The following COLEC12 variants were observed in gnomAD, a reference collection of about 807,000 sequenced individuals.
The protein encoded by COLEC12 is collectin subfamily member 12.
COLEC12 carries 33 observed loss-of-function variants against 71.1 expected under a neutral mutation model. That is an observed-to-expected ratio of 0.46 (90% CI 0.35 to 0.62). The LOEUF is 0.62. COLEC12 is among the 20% of genes least tolerant of loss of function. The probability of loss-of-function intolerance (pLI) is 0.00; values close to 1 mark genes in which losing one functional copy is unlikely to be tolerated. For missense variants in COLEC12, 765 were observed against 916.1 expected (o/e 0.84, Z 2.13); for synonymous variants, 350 against 353.0 (o/e 0.99, Z 0.10).
At chr18:436,611 C>T (rs1379704215) in intron 2 of COLEC12, among the ~76,000 whole-genome samples, 2 of 149,546 alleles carry the variant, frequency 1.3e-5, no homozygotes, top group East Asian at 2.0e-4. Context: ...GTAGATATTA[C>T]ACAGATCTCC....
intron 8 of COLEC12, among the ~76,000 whole-genome samples, chr18:328,967 A>G (rs1419370118): frequency 6.6e-6 from 1 of 152,082 alleles, no homozygotes; most frequent in Non-Finnish European, 1.5e-5. Context: ...GATCCTGGGG[A>G]TTTTTATGTT....
rs370072492 is a variant in COLEC12 at position 379,985 on chromosome 18, AT to A, written c.59-22464del. ...TACCCAAAGCTGAGGTAAGAGCTTTATTTTTTTTTTCCAATGATGAAGAAAG... is the reference window on the plus strand; with the variant it reads ...TACCCAAAGCTGAGGTAAGAGCTTTATTTTTTTTTCCAATGATGAAGAAAG... On this transcript the variant is annotated intron_variant, in intron 2 of 9. Coordinates refer to ENST00000400256, the MANE Select transcript of COLEC12 (RefSeq NM_130386.3). Among the ~76,000 whole-genome samples the A allele has an allele frequency of 1.9e-4, 28 of 150,636 alleles. No homozygotes were observed. In the East Asian group the frequency reaches 3.3e-3, roughly 18 times the overall value.
At chr18:450,690 G>T (rs1916744537) in intron 2 of COLEC12, among the ~76,000 whole-genome samples, 1 of 152,222 alleles carries the variant, frequency 6.6e-6, no homozygotes, top group Non-Finnish European at 1.5e-5. Context: ...TTGCTACAAA[G>T]ATATCTGAAA....
At chr18:355,110 G>T (rs1042183887) in intron 3 of COLEC12, among the ~76,000 whole-genome samples, 2 of 151,848 alleles carry the variant, frequency 1.3e-5, no homozygotes, top group Non-Finnish European at 2.9e-5. Flanking sequence ...AATTCATTCA[G>T]TGAACTTTCC....
chr18:427,709 A>T lies in COLEC12; in HGVS notation c.58+52998T>A, dbSNP rs368183883. Among the ~76,000 whole-genome samples, 253 of 152,306 alleles carry T rather than the reference A, an allele frequency of 1.7e-3. 2 individuals carry two copies. The highest frequency in any genetic ancestry group is 6.0e-3 in the African/African-American group (248 of 41,550). On this transcript the variant is annotated intron_variant, in intron 2 of 9. Transcript: ENST00000400256. ...ATTCATAACCGGTCCTCAAATGTGC[A>T]TTGAATTGAATCGAATGCGCACCTA...
chr18:393,598 G>A (rs1304887143), intron 2 of COLEC12, among the ~76,000 whole-genome samples: 3 of 152,234 alleles, frequency 2.0e-5, no homozygotes, highest in African/African-American at 4.8e-5. Flanking sequence ...GTTGCCCTGC[G>A]TCTGCCTACG....
At chr18:360,435 G>A (rs149717176) in intron 2 of COLEC12, among the ~76,000 whole-genome samples, 2,771 of 152,034 alleles carry the variant, frequency 0.018, 44 homozygotes, top group Middle Eastern at 0.027. Flanking sequence ...CACCCACCTC[G>A]CCGCCTCAGC....
intron 2 of COLEC12, among the ~76,000 whole-genome samples, chr18:361,224 CA>C (rs371006560): frequency 2.8e-4 from 43 of 152,248 alleles, no homozygotes; most frequent in Non-Finnish European, 4.4e-4. Flanking sequence ...AAAAGGACTG[CA>C]AGGGGGCATC....
At chr18:357,545 A>G (rs777159580) in intron 2 of COLEC12, 23 bp from the exon 3 acceptor site, 1 of 1,511,710 alleles carries the variant, frequency 6.6e-7, no homozygotes, top group Non-Finnish European at 8.9e-7. Flanking sequence ...TCAAATTTTA[A>G]TAACAGTAAG....
intron 2 of COLEC12, among the ~76,000 whole-genome samples, chr18:368,844 C>A (rs556864622): frequency 1.3e-5 from 2 of 152,134 alleles, no homozygotes; most frequent in African/African-American, 4.8e-5. Flanking sequence ...CCAGCCTGGG[C>A]AACAGAGCGA....
At chr18:444,647 G>A (rs1365284215) in intron 2 of COLEC12, among the ~76,000 whole-genome samples, 1 of 152,138 alleles carries the variant, frequency 6.6e-6, no homozygotes, top group Non-Finnish European at 1.5e-5. Flanking sequence ...GGTGAGGTAG[G>A]GAGGGGAGAG....
chr18:332,659 G>A (rs778487751), intron 7 of COLEC12, among the ~76,000 whole-genome samples: 3 of 152,062 alleles, frequency 2.0e-5, no homozygotes, highest in Non-Finnish European at 4.4e-5. Flanking sequence ...GTGGTCCCTT[G>A]CACCCCACTC....
intron 2 of COLEC12, among the ~76,000 whole-genome samples, chr18:402,323 G>A (rs1051450156): frequency 6.6e-6 from 1 of 152,088 alleles, no homozygotes; most frequent in African/African-American, 2.4e-5. Context: ...TGTGGGAGGG[G>A]ACCAATCAGA....
At chr18:381,201 C>T (rs1185149773) in intron 2 of COLEC12, among the ~76,000 whole-genome samples, 1 of 152,132 alleles carries the variant, frequency 6.6e-6, no homozygotes. Context: ...GGAGTTTCTG[C>T]AAGAGTCAAT....
At chr18:439,092 C>G (rs1257939441) in intron 2 of COLEC12, among the ~76,000 whole-genome samples, 2 of 152,170 alleles carry the variant, frequency 1.3e-5, no homozygotes, top group African/African-American at 4.8e-5. Flanking sequence ...GAAGATGAGG[C>G]AAGATCTTCC....
chr18:477,990 C>T (rs1016711958), intron 2 of COLEC12, among the ~76,000 whole-genome samples: 5 of 152,170 alleles, frequency 3.3e-5, no homozygotes, highest in South Asian at 2.1e-4. Flanking sequence ...CTGCTGGATT[C>T]AACTGGCCAC....
At chr18:464,800 G>T (rs1451737227) in intron 2 of COLEC12, among the ~76,000 whole-genome samples, 1 of 152,214 alleles carries the variant, frequency 6.6e-6, no homozygotes, top group African/African-American at 2.4e-5. Context: ...AACTCTCATT[G>T]TAAGGCCCAA....
intron 2 of COLEC12, among the ~76,000 whole-genome samples, chr18:372,712 C>G (rs762205020): frequency 6.6e-6 from 1 of 152,098 alleles, no homozygotes; most frequent in Non-Finnish European, 1.5e-5. Flanking sequence ...CCACCATGCC[C>G]GCCCAAAAGA....
intron 2 of COLEC12, among the ~76,000 whole-genome samples, chr18:425,157 T>C (rs1213714445): frequency 2.0e-5 from 3 of 152,178 alleles, no homozygotes; most frequent in Non-Finnish European, 2.9e-5. Context: ...ACCTTCTTAA[T>C]TGTGTCTATG....
Sources: allele counts gnomAD v4.1 joint callset (sites outside exome capture counted in the v4.1 genomes callset), GRCh38; gene constraint gnomAD v4.1.1; transcripts MANE v1.5; gene names NCBI Gene and HGNC (gene_info 2026-07-23, HGNC 2026-07-21).